ANO4: variants seen among roughly 807,000 people sequenced by gnomAD.
ANO4 encodes the protein anoctamin 4.
Under a neutral mutation model 141.9 loss-of-function variants are expected in ANO4, and 69 were observed. That is an observed-to-expected ratio of 0.49 (90% CI 0.40 to 0.59). The LOEUF (loss-of-function observed/expected upper bound fraction) is 0.59. Among genes scored for constraint, ANO4 ranks in the 20% least tolerant of loss-of-function variants. The pLI is 0.00. For missense variants in ANO4, 894 were observed against 1,162.2 expected (o/e 0.77, Z 3.36); for synonymous variants, 350 against 394.3 (o/e 0.89, Z 1.33).
At chr12:100,747,737 G>T (rs187372132) in intron 3 of ANO4, among the ~76,000 whole-genome samples, 1 of 152,178 alleles carries the variant, frequency 6.6e-6, no homozygotes, top group Non-Finnish European at 1.5e-5. Flanking sequence ...GCTGGGTGTG[G>T]TGGCATGTGC....
intron 1 of ANO4, among the ~76,000 whole-genome samples, chr12:100,893,737 G>T (rs1212057916): frequency 4.6e-5 from 7 of 152,104 alleles, no homozygotes; most frequent in African/African-American, 1.4e-4. Context: ...GAGAAGTTAT[G>T]AATTACGAAT....
At chr12:100,993,860 C>T (rs888154614) in intron 8 of ANO4, among the ~76,000 whole-genome samples, 2 of 152,150 alleles carry the variant, frequency 1.3e-5, no homozygotes, top group African/African-American at 2.4e-5. Context: ...AATAAATAAT[C>T]GCAGTCTGTC....
At chr12:101,020,281 C>T in intron 9 of ANO4, 141 bp downstream of exon 9, 1 of 614,500 alleles carries the variant, frequency 1.6e-6, no homozygotes, top group South Asian at 2.1e-5. Context: ...ATGAATAATT[C>T]ACAAGTGTAA....
At chr12:100,875,359 G>A (rs1052679436) in intron 1 of ANO4, among the ~76,000 whole-genome samples, 5 of 152,250 alleles carry the variant, frequency 3.3e-5, no homozygotes, top group African/African-American at 7.2e-5. Flanking sequence ...GTGATTTCAC[G>A]CAGGAATGTT....
At chr12:100,768,748 A>G (rs1353839847) in intron 3 of ANO4, among the ~76,000 whole-genome samples, 2 of 152,356 alleles carry the variant, frequency 1.3e-5, no homozygotes, top group Admixed American at 6.5e-5. Flanking sequence ...TGAACAACAT[A>G]AAATTTGATA....
At chr12:101,061,909 G>C (rs1195680373) in intron 14 of ANO4, among the ~76,000 whole-genome samples, 3 of 151,986 alleles carry the variant, frequency 2.0e-5, no homozygotes, top group Non-Finnish European at 4.4e-5. Context: ...TCTCCATCCA[G>C]TTTTGTTCCC....
chr12:100,971,433 T>TCTCTCTG (rs757529775), intron 6 of ANO4, 27 bp downstream of exon 6: 1 of 1,443,380 alleles, frequency 6.9e-7, no homozygotes, highest in South Asian at 1.2e-5. Context: ...TTTATTCCAC[T>TCTCTCTG]CTCTCTGCTG....
intron 9 of ANO4, among the ~76,000 whole-genome samples, chr12:101,025,346 C>T (rs1188156296): frequency 6.6e-6 from 1 of 152,154 alleles, no homozygotes; most frequent in East Asian, 1.9e-4. Context: ...AGAATGTAGG[C>T]AGGACCTGAA....
At chr12:101,007,815 G>A (rs1245290114) in intron 8 of ANO4, among the ~76,000 whole-genome samples, 4 of 152,106 alleles carry the variant, frequency 2.6e-5, no homozygotes, top group Non-Finnish European at 5.9e-5. Flanking sequence ...GAAATCCTGG[G>A]CTCAAGCAGT....
intron 1 of ANO4, among the ~76,000 whole-genome samples, chr12:100,853,093 C>G (rs4764762): frequency 0.19 from 29,166 of 152,010 alleles, 3,340 homozygotes; most frequent in Middle Eastern, 0.35. Context: ...TGAATTTCCC[C>G]TTTGATGAGC....
intron 1 of ANO4, among the ~76,000 whole-genome samples, chr12:100,797,236 G>A (rs1342060449): frequency 6.7e-6 from 1 of 150,272 alleles, no homozygotes; most frequent in Non-Finnish European, 1.5e-5. Context: ...ATGCCCATTT[G>A]GAGAACAGAA....
chr12:100,938,883 A>G (rs1356569179), intron 3 of ANO4, among the ~76,000 whole-genome samples: 1 of 152,192 alleles, frequency 6.6e-6, no homozygotes, highest in African/African-American at 2.4e-5. Context: ...TTCAAGTGGC[A>G]CGTTTATGGG....
At position 101,022,697 on chromosome 12, in the gene ANO4, C is replaced by T. The variant is rs149008216; in HGVS notation, c.841+2557C>T. Reference sequence around the variant, plus strand: ...ATAAAATGCAAATAACTCCAAATGGCATCTTCACTAATAATGGTATTATCA... The same window carrying T: ...ATAAAATGCAAATAACTCCAAATGGTATCTTCACTAATAATGGTATTATCA... On this transcript the variant is annotated intron_variant, in intron 9 of 27. Transcript: ENST00000392977. Among the ~76,000 whole-genome samples, 728 of 152,266 alleles carry T rather than the reference C, an allele frequency of 4.8e-3. 10 individuals are homozygous for T. The highest frequency in any genetic ancestry group is 0.016 in the African/African-American group (670 of 41,556).
intron 1 of ANO4, among the ~76,000 whole-genome samples, chr12:100,824,833 G>C (rs1395525367): frequency 6.6e-6 from 1 of 152,022 alleles, no homozygotes; most frequent in Non-Finnish European, 1.5e-5. Context: ...AGTATTGGCA[G>C]ATTAAGAGGA....
At chr12:101,082,314 C>CCT (rs2049316150) in intron 15 of ANO4, among the ~76,000 whole-genome samples, 1 of 152,202 alleles carries the variant, frequency 6.6e-6, no homozygotes, top group South Asian at 2.1e-4. Context: ...GACTGTGAGG[C>CCT]CTCCCCAGCC....
At chr12:100,784,833 A>G (rs948198095) in intron 3 of ANO4, among the ~76,000 whole-genome samples, 3 of 152,220 alleles carry the variant, frequency 2.0e-5, no homozygotes, top group Admixed American at 6.5e-5. Context: ...TCAGTGCTGT[A>G]AAAGCAGGGC....
chr12:100,904,656 T>C (rs924983206), intron 2 of ANO4, among the ~76,000 whole-genome samples: 2 of 152,042 alleles, frequency 1.3e-5, no homozygotes, highest in African/African-American at 2.4e-5. Flanking sequence ...CTCAGTGAGG[T>C]TGTAGGGACT....
chr12:100,916,048 T>A (rs1396824659), intron 2 of ANO4, among the ~76,000 whole-genome samples: 1 of 71,898 alleles, frequency 1.4e-5, no homozygotes, highest in African/African-American at 1.1e-4. Context: ...GTGGTAGTAA[T>A]GTAACTTTTA....
chr12:100,961,343 C>T (rs2043412755), intron 5 of ANO4, among the ~76,000 whole-genome samples: 1 of 152,166 alleles, frequency 6.6e-6, no homozygotes, highest in African/African-American at 2.4e-5. Flanking sequence ...ACTCCCACTG[C>T]CGGTGGTCTT....
Sources: gnomAD v4.1 joint callset for allele counts (sites outside exome capture counted in the v4.1 genomes callset) on GRCh38, gnomAD v4.1.1 for gene constraint, MANE v1.5 for transcripts, NCBI Gene and HGNC (gene_info 2026-07-23, HGNC 2026-07-21) for gene names.